Variants in DNAAF1 observed in about 807,000 individuals in gnomAD.
DNAAF1 encodes dynein assembly factor 1, axonemal.
Under a neutral mutation model 71.1 loss-of-function variants are expected in DNAAF1, and 65 were observed. The observed-to-expected ratio is 0.91, with a 90% confidence interval of 0.75 to 1.12. The LOEUF (loss-of-function observed/expected upper bound fraction) is 1.12. Among genes scored for constraint, DNAAF1 ranks in the 50% most tolerant of loss-of-function variants. DNAAF1 has a pLI of 0.00. For synonymous variants in DNAAF1, 414 were observed against 354.6 expected (o/e 1.17, Z -1.88); for missense variants, 1,178 against 899.8 (o/e 1.31, Z -3.96).
chr16:84,155,137 T>C (rs914922474), intron 4 of DNAAF1, among the ~76,000 whole-genome samples: 1 of 152,214 alleles, frequency 6.6e-6, no homozygotes, highest in Non-Finnish European at 1.5e-5. Context: ...CTCGATCTCC[T>C]GACCTCGTGA....
chr16:84,154,456 A>G (rs1412459031), intron 3 of DNAAF1, 121 bp from the exon 4 acceptor site: 12 of 861,316 alleles, frequency 1.4e-5, no homozygotes, highest in Admixed American at 2.0e-5. Flanking sequence ...TAGGATTTCA[A>G]TGTATGAATT....
chr16:84,174,626 G>A lies in DNAAF1; in HGVS notation c.1645-43G>A, dbSNP rs751102864. The A allele has an allele frequency of 1.9e-6, 3 of 1,614,048 alleles. No individual in the cohort carries two copies. The South Asian group carries it at 3.3e-5, about 18-fold the overall frequency. ...TCGTGCCTATCAGAACGTTGACAGT[G>A]CGTGTACCTCCCTGGTGATGTGCGG... On this transcript the variant is annotated intron_variant, in intron 9 of 11. Transcript: ENST00000378553.
chr16:84,173,040 G>A (rs1204687776), intron 9 of DNAAF1: 2 of 990,162 alleles, frequency 2.0e-6, no homozygotes, highest in Admixed American at 1.1e-4. Flanking sequence ...GCACGAATAG[G>A]AGAGGCATTT....
Position 84,145,542 on chromosome 16 carries a change from A to G in DNAAF1, c.102A>G (p.Ala34=). The G allele has an allele frequency of 6.4e-7, 1 of 1,550,662 alleles. No individual in the cohort carries two copies. Among genetic ancestry groups the G allele is most frequent in the Non-Finnish European group, 8.7e-7 (1 of 1,147,564 alleles). ...AGTCTGCGGGTGACCACGGGAGCGC[A>G]GGCCGAGGGGGCTGCAAGGAAGGTG... The part of the protein sequence containing the change: ...VEESAGDHGS[A]GRGGCKEEIN... Residue 34 remains alanine, a synonymous_variant, in exon 1 of 12, where the codon GCA becomes GCG. Coordinates refer to ENST00000378553, the MANE Select transcript of DNAAF1 (RefSeq NM_178452.6).
chr16:84,169,852 C>T lies in DNAAF1; in HGVS notation c.1031-7C>T, dbSNP rs376556537. ...CCCACATTCACCTTTGCATTTTCTG[C>T]CATTAGGGGAGATGACATCTTCAGA... On this transcript the variant is annotated splice_region_variant and splice_polypyrimidine_tract_variant and intron_variant, in intron 7 of 11. Transcript: ENST00000378553. 3.1e-6 allele frequency: 5 copies of T among 1,613,348 alleles called. No homozygotes were observed. The African/African-American group carries it at 6.7e-5, about 22-fold the overall frequency.
intron 6 of DNAAF1, among the ~76,000 whole-genome samples, chr16:84,161,426 C>T (rs1451221164): frequency 6.6e-6 from 1 of 152,148 alleles, no homozygotes; most frequent in Non-Finnish European, 1.5e-5. Flanking sequence ...CACTCTGTCA[C>T]CCAGGCAGGA....
chr16:84,160,916 A>G (rs532673996), intron 6 of DNAAF1, among the ~76,000 whole-genome samples: 3 of 151,552 alleles, frequency 2.0e-5, no homozygotes, highest in South Asian at 2.1e-4. Context: ...CAGCCTGGGC[A>G]ACAGAGCGAG....
At chr16:84,167,240 G>A (rs1366297249) in intron 7 of DNAAF1, among the ~76,000 whole-genome samples, 1 of 152,144 alleles carries the variant, frequency 6.6e-6, no homozygotes, top group African/African-American at 2.4e-5. Flanking sequence ...AAGATGAAGT[G>A]GAGCTTAGGG....
chr16:84,155,464 G>A lies in DNAAF1; in HGVS notation c.575-119G>A, dbSNP rs545556398. ...GGCTGGTCTCAAACCTCCTGGGCTCGAAAGATTCTCCCGCTTTAGCCTTCC... is the reference window on the plus strand; with the variant it reads ...GGCTGGTCTCAAACCTCCTGGGCTCAAAAGATTCTCCCGCTTTAGCCTTCC... On this transcript the variant is annotated intron_variant, in intron 4 of 11. Coordinates refer to ENST00000378553, the MANE Select transcript of DNAAF1 (RefSeq NM_178452.6). The A allele has an allele frequency of 2.4e-3, 2,904 of 1,194,812 alleles. 7 individuals carry two copies. Among genetic ancestry groups the A allele is most frequent in the Non-Finnish European group, 2.5e-3 (2,023 of 812,658 alleles). The allele number at this position is 1,194,812 out of a possible 1,614,324, so 74.0% of individuals were successfully genotyped here.
chr16:84,174,907 G>C (rs1340186032), intron 10 of DNAAF1, 185 bp downstream of exon 10: 1 of 708,416 alleles, frequency 1.4e-6, no homozygotes, highest in African/African-American at 1.8e-5. Context: ...CCAGGCTGCA[G>C]TGCAATAGTG....
intron 6 of DNAAF1, among the ~76,000 whole-genome samples, chr16:84,161,926 G>T (rs934306683): frequency 6.6e-6 from 1 of 152,100 alleles, no homozygotes; most frequent in Non-Finnish European, 1.5e-5. Flanking sequence ...TCCTCTAACA[G>T]AGATCAGCTC....
At chr16:84,170,603 G>T (rs1230844791) in intron 8 of DNAAF1, among the ~76,000 whole-genome samples, 1 of 152,134 alleles carries the variant, frequency 6.6e-6, no homozygotes, top group East Asian at 1.9e-4. Context: ...GGAGGCCAAG[G>T]CAGAAGGACT....
chr16:84,163,631 G>A (rs879520571), intron 6 of DNAAF1, among the ~76,000 whole-genome samples: 3 of 151,764 alleles, frequency 2.0e-5, no homozygotes, highest in Admixed American at 6.6e-5. Context: ...CACCCACCTC[G>A]GCCTCCCAAA....
intron 2 of DNAAF1, among the ~76,000 whole-genome samples, chr16:84,149,656 A>G (rs1213230644): frequency 7.3e-6 from 1 of 136,404 alleles, no homozygotes; most frequent in Admixed American, 8.3e-5. Flanking sequence ...ATACCACTGC[A>G]CTCCAGCCCG....
At chr16:84,172,968 G>C (rs1291427215) in intron 9 of DNAAF1, 2 of 1,000,968 alleles carry the variant, frequency 2.0e-6, no homozygotes, top group East Asian at 1.0e-4. Context: ...AGGCCCACAA[G>C]AATGGTACCA....
rs750522490 is a variant in DNAAF1 at position 84,154,818 on chromosome 16, A to T, written c.574+20A>T. 3.8e-6 allele frequency: 6 copies of T among 1,591,722 alleles called. No homozygotes were observed. Among genetic ancestry groups the T allele is most frequent in the Non-Finnish European group, 5.2e-6 (6 of 1,159,702 alleles). On this transcript the variant is annotated intron_variant, in intron 4 of 11. Transcript: ENST00000378553. Reference sequence around the variant, plus strand: ...ACCTCTGTAAGGGTACCCAGCAAGCAGTGTGTCTGTTTGCCATATGTCCAT... The same window carrying T: ...ACCTCTGTAAGGGTACCCAGCAAGCTGTGTGTCTGTTTGCCATATGTCCAT...
At position 84,155,741 on chromosome 16, in the gene DNAAF1, C is replaced by T. The variant is rs747310581; in HGVS notation, c.733C>T (p.Pro245Ser). Residue 245 changes from proline to serine, a missense_variant, in exon 5 of 12, where the codon CCC becomes TCC. Transcript: ENST00000378553. The part of the protein sequence containing the change: ...PEILSILESM[P>S]DLRVLNLMGN... ...GATCCTGAGCATTCTGGAAAGCATGCCCGATTTGGTAAAAAACAAAAACAA... is the reference window on the plus strand; with the variant it reads ...GATCCTGAGCATTCTGGAAAGCATGTCCGATTTGGTAAAAAACAAAAACAA... 58 of 1,613,940 alleles carry T rather than the reference C, an allele frequency of 3.6e-5. No homozygotes were observed. In the South Asian group the frequency reaches 6.0e-4, roughly 17 times the overall value.
At position 84,154,796 on chromosome 16, in the gene DNAAF1, T is replaced by C. The variant is rs1555521180; in HGVS notation, c.572T>C (p.Leu191Pro). ...SNNYIKTIEN[L>P]SCLPVLNTLQ... ...AATTACATCAAGACCATTGAAAACC[T>C]CTGTAAGGGTACCCAGCAAGCAGTG... The change falls in exon 4 of 12, where the codon CTC (leucine) becomes CCC (proline). Residue 191 changes from leucine (L) to proline (P), a missense_variant and splice_region_variant. Coordinates refer to ENST00000378553, the MANE Select transcript of DNAAF1 (RefSeq NM_178452.6). 6.2e-7 allele frequency: 1 copy of C among 1,611,918 alleles called. No individual in the cohort carries two copies. The highest frequency in any genetic ancestry group is 1.3e-5 in the African/African-American group (1 of 74,870).
In DNAAF1 at chr16:84,155,786, C is replaced by T. The variant is rs2087397905; in HGVS notation, c.741+37C>T. 2.5e-6 allele frequency: 4 copies of T among 1,610,382 alleles called. No individual in the cohort carries two copies. In the South Asian group the frequency reaches 3.3e-5, roughly 13 times the overall value. ...AAACAAAAACAACGAAAAAGCACCA[C>T]AGGAAACCGCTTCTATTATTTTCAT... On this transcript the variant is annotated intron_variant, in intron 5 of 11. Coordinates refer to ENST00000378553, the MANE Select transcript of DNAAF1 (RefSeq NM_178452.6).
Sources: gnomAD v4.1 joint callset for allele counts (sites outside exome capture counted in the v4.1 genomes callset) on GRCh38, gnomAD v4.1.1 for gene constraint, MANE v1.5 for transcripts, NCBI Gene and HGNC (gene_info 2026-07-23, HGNC 2026-07-21) for gene names.